The following ATP10D variants were observed in gnomAD, a reference collection of about 807,000 sequenced individuals.
The protein encoded by ATP10D is phospholipid-transporting ATPase VD.
ATP10D carries 89 observed loss-of-function variants against 144.8 expected under a neutral mutation model. The observed-to-expected ratio is 0.61, with a 90% CI of 0.52 to 0.73. ATP10D has a LOEUF of 0.73. ATP10D is among the 30% of genes least tolerant of loss of function. The pLI, the probability that ATP10D is intolerant of heterozygous loss-of-function variation, is 0.00. For synonymous variants in ATP10D, 571 were observed against 615.1 expected (o/e 0.93, Z 1.06); for missense variants, 1,603 against 1,714.8 (o/e 0.93, Z 1.15).
At position 47,572,848 on chromosome 4, in the gene ATP10D, A is replaced by G. The variant is rs749046335; in HGVS notation, c.3241-24A>G. ...AACATGTTTGATCACTCAGGATGGCATTCTCTCCCCATTGCATCTGCAGGC... is the reference window on the plus strand; with the variant it reads ...AACATGTTTGATCACTCAGGATGGCGTTCTCTCCCCATTGCATCTGCAGGC... On this transcript the variant is annotated intron_variant, in intron 17 of 22. Transcript: ENST00000273859. 1.5e-5 allele frequency: 25 copies of G among 1,613,838 alleles called. 1 individual carries two copies. The South Asian group carries it at 2.4e-4, about 16-fold the overall frequency.
intron 16 of ATP10D, among the ~76,000 whole-genome samples, chr4:47,571,290 T>C (rs1719937780): frequency 6.7e-6 from 1 of 148,516 alleles, no homozygotes; most frequent in Non-Finnish European, 1.5e-5. Context: ...ATTATAATTA[T>C]ATTTATCATA....
chr4:47,583,111 C>A (rs528532920), intron 21 of ATP10D: 1 of 152,244 alleles, frequency 6.6e-6, no homozygotes, highest in Non-Finnish European at 1.5e-5. Context: ...CACTGCACTC[C>A]AGCTTGGGAA....
chr4:47,503,208 T>G (rs1379857412), intron 1 of ATP10D, among the ~76,000 whole-genome samples: 4 of 151,896 alleles, frequency 2.6e-5, no homozygotes, highest in Non-Finnish European at 5.9e-5. Flanking sequence ...TCTTAAAAAA[T>G]AAATAAATAA....
intron 5 of ATP10D, among the ~76,000 whole-genome samples, chr4:47,532,444 G>A (rs1223116860): frequency 6.6e-6 from 1 of 152,090 alleles, no homozygotes; most frequent in African/African-American, 2.4e-5. Flanking sequence ...CCTCCCTTCT[G>A]GAATCCTCAG....
At chr4:47,503,625 A>G (rs1000497792) in intron 1 of ATP10D, among the ~76,000 whole-genome samples, 1 of 152,210 alleles carries the variant, frequency 6.6e-6, no homozygotes, top group Admixed American at 6.5e-5. Context: ...GGCCGAGGGC[A>G]GTGGCTCTCC....
At chr4:47,564,160 G>A (rs1719473891) in intron 15 of ATP10D, among the ~76,000 whole-genome samples, 1 of 152,170 alleles carries the variant, frequency 6.6e-6, no homozygotes, top group South Asian at 2.1e-4. Flanking sequence ...CCAAAGTGCT[G>A]GGATTACGGG....
Position 47,591,272 on chromosome 4 carries a change from G to C in ATP10D, c.4172G>C (p.Cys1391Ser). 1 of 1,613,574 alleles carries C rather than the reference G, an allele frequency of 6.2e-7. No individual in the cohort carries two copies. Among genetic ancestry groups the C allele is most frequent in the Non-Finnish European group, 8.5e-7 (1 of 1,179,576 alleles). ...TTTGCAATGAAGTCAGCAAGTTCCT[G>C]TGCTATTGAGCAAGGAAACTTATCT... The part of the protein sequence containing the change: ...AVFAMKSASS[C>S]AIEQGNLSLC... The change falls in exon 23 of 23, where the codon TGT (cysteine) becomes TCT (serine). Residue 1391 changes from cysteine to serine, a missense_variant. Coordinates refer to ENST00000273859, the MANE Select transcript of ATP10D (RefSeq NM_020453.4).
intron 17 of ATP10D, 93 bp from the exon 18 acceptor site, chr4:47,572,779 A>T: frequency 6.6e-7 from 1 of 1,507,434 alleles, no homozygotes; most frequent in Non-Finnish European, 9.1e-7. Context: ...AGAAGGTAGA[A>T]TATGAGGCCT....
chr4:47,524,551 A>G (rs1717134677), intron 4 of ATP10D, among the ~76,000 whole-genome samples: 1 of 152,224 alleles, frequency 6.6e-6, no homozygotes, highest in African/African-American at 2.4e-5. Flanking sequence ...AGTAATGGCA[A>G]AAAGCATGAC....
intron 6 of ATP10D, 94 bp downstream of exon 6, chr4:47,535,709 A>G (rs1676103058): frequency 1.4e-6 from 2 of 1,432,598 alleles, no homozygotes; most frequent in African/African-American, 1.4e-5. Flanking sequence ...TTGAAGCAGA[A>G]AGGAAATTTT....
chr4:47,558,546 G>A (rs1719115822), intron 12 of ATP10D, among the ~76,000 whole-genome samples: 1 of 152,310 alleles, frequency 6.6e-6, no homozygotes, highest in South Asian at 2.1e-4. Context: ...GGGTCTTAGA[G>A]TACCTCCTTT....
At chr4:47,510,968 G>A (rs1361389212) in intron 1 of ATP10D, among the ~76,000 whole-genome samples, 1 of 152,120 alleles carries the variant, frequency 6.6e-6, no homozygotes, top group African/African-American at 2.4e-5. Flanking sequence ...AAAGCACTTA[G>A]TATTTATGTT....
chr4:47,572,788 C>G, intron 17 of ATP10D, 84 bp from the exon 18 acceptor site: 3 of 1,567,654 alleles, frequency 1.9e-6, no homozygotes, highest in Non-Finnish European at 2.6e-6. Context: ...AATATGAGGC[C>G]TAGGGTTTCC....
At chr4:47,500,283 G>A (rs575293432) in intron 1 of ATP10D, among the ~76,000 whole-genome samples, 95 of 152,314 alleles carry the variant, frequency 6.2e-4, no homozygotes, top group African/African-American at 2.2e-3. Flanking sequence ...GTGACATAAA[G>A]GTTTTATGAA....
At chr4:47,517,850 G>A (rs1174546709) in intron 3 of ATP10D, among the ~76,000 whole-genome samples, 1 of 152,098 alleles carries the variant, frequency 6.6e-6, no homozygotes, top group Non-Finnish European at 1.5e-5. Context: ...ACTTAAAGAT[G>A]AAATGCAGTA....
intron 18 of ATP10D, 71 bp downstream of exon 18, chr4:47,573,068 C>T (rs567261008): frequency 3.5e-5 from 54 of 1,547,284 alleles, no homozygotes; most frequent in Middle Eastern, 1.7e-4. Flanking sequence ...GGGATGAAGA[C>T]GAAGTGTCCT....
rs117408339 is a variant in ATP10D, at chr4:47,535,011, T to G, written c.777-498T>G. Among the ~76,000 whole-genome samples the G allele has an allele frequency of 6.0e-4, 91 of 152,268 alleles. 2 individuals carry two copies. The East Asian group carries it at 0.015, about 25-fold the overall frequency. ...AAAAGGAATGAGATCATGTCCTTTG[T>G]AGCAATGTGGATGGAGCTGAAGGCC... On this transcript the variant is annotated intron_variant, in intron 5 of 22. Coordinates refer to ENST00000273859, the MANE Select transcript of ATP10D (RefSeq NM_020453.4).
chr4:47,486,628 C>T (rs1009053079), intron 1 of ATP10D, among the ~76,000 whole-genome samples: 4 of 152,220 alleles, frequency 2.6e-5, no homozygotes, highest in African/African-American at 7.2e-5. Flanking sequence ...CCACTCCGAT[C>T]CACCTCAAAA....
intron 13 of ATP10D, among the ~76,000 whole-genome samples, chr4:47,560,037 A>G (rs1719213311): frequency 6.6e-6 from 1 of 152,036 alleles, no homozygotes; most frequent in South Asian, 2.1e-4. Flanking sequence ...AGCCTGCCCC[A>G]CACACAGTTA....
Sources: allele counts gnomAD v4.1 joint callset (sites outside exome capture counted in the v4.1 genomes callset), GRCh38; gene constraint gnomAD v4.1.1; transcripts MANE v1.5; gene names NCBI Gene and HGNC (gene_info 2026-07-23, HGNC 2026-07-21).